The following TCTN1 variants were observed in gnomAD, a reference collection of about 807,000 sequenced individuals.
TCTN1 encodes tectonic family member 1.
TCTN1 carries 58 observed loss-of-function variants against 65.8 expected under a neutral mutation model. The observed-to-expected ratio is 0.88, with a 90% confidence interval of 0.71 to 1.10. TCTN1 has a LOEUF of 1.10. Among genes scored for constraint, TCTN1 ranks in the 50% least tolerant of loss-of-function variants. The pLI is 0.00. For missense variants in TCTN1, 645 were observed against 719.4 expected (o/e 0.90, Z 1.18); for synonymous variants, 273 against 289.1 (o/e 0.94, Z 0.57).
Position 110,642,364 on chromosome 12 carries a change from A to G in TCTN1, c.1306A>G (p.Thr436Ala). 1 of 1,614,206 alleles carries G rather than the reference A, an allele frequency of 6.2e-7. No individual in the cohort carries two copies. Among genetic ancestry groups the G allele is most frequent in the Non-Finnish European group, 8.5e-7 (1 of 1,180,042 alleles). ...CCGGACCCCAGTATTATTTGGTTAC[A>G]CTATGCAATCTGGCTGTAAACTAAG... ...GVRTPVLFGY[T>A]MQSGCKLRLT... is the part of the protein sequence containing the mutation. Residue 436 changes from threonine to alanine, a missense_variant, in exon 11 of 15, where the codon ACT becomes GCT. Physicochemically the swap from Thr to Ala is moderately conservative, Grantham distance 58 (BLOSUM62 0). Transcript: ENST00000397659.
intron 6 of TCTN1, chr12:110,635,846 C>T (rs908332728): frequency 6.5e-6 from 1 of 153,088 alleles, no homozygotes; most frequent in Non-Finnish European, 1.5e-5. Flanking sequence ...AGTCAGCCAT[C>T]TAGGCTTGTG....
At chr12:110,638,215 C>T (rs2066712754) in intron 7 of TCTN1, among the ~76,000 whole-genome samples, 1 of 152,028 alleles carries the variant, frequency 6.6e-6, no homozygotes, top group South Asian at 2.1e-4. Context: ...CTCTGTGAGC[C>T]CATGTGACAG....
chr12:110,620,969 T>C (rs2065387465), intron 2 of TCTN1, among the ~76,000 whole-genome samples: 1 of 152,080 alleles, frequency 6.6e-6, no homozygotes, highest in African/African-American at 2.4e-5. Context: ...CACGCCACGA[T>C]GCCTGGCGTA....
At chr12:110,628,693 A>G in intron 3 of TCTN1, 74 bp from the exon 4 acceptor site, 1 of 1,358,576 alleles carries the variant, frequency 7.4e-7, no homozygotes, top group Non-Finnish European at 1.0e-6. Flanking sequence ...AACTTTCCAA[A>G]ACCTTTATAT....
At chr12:110,618,176 G>C (rs867869931) in intron 1 of TCTN1, among the ~76,000 whole-genome samples, 2 of 150,122 alleles carry the variant, frequency 1.3e-5, no homozygotes, top group Non-Finnish European at 3.0e-5. Context: ...GGGTTGAAAC[G>C]ATTCTCCTGC....
In TCTN1 at chr12:110,640,970, C is replaced by T; in HGVS notation, c.979-54C>T. 1 of 1,612,382 alleles carries T rather than the reference C, an allele frequency of 6.2e-7. No individual in the cohort carries two copies. The highest frequency in any genetic ancestry group is 1.1e-5 in the South Asian group (1 of 91,024). On this transcript the variant is annotated intron_variant, in intron 8 of 14. Coordinates refer to ENST00000397659, the MANE Select transcript of TCTN1 (RefSeq NM_001082538.3). This position sits in a 1 kb window ranked among gnomAD's most constrained non-coding sequence, Gnocchi z 4.9. ...CTATGGGTGTTTTCAGTTATTCATA[C>T]AGCTTCTGAAATGTAATGGAACAGG...
chr12:110,622,874 A>G (rs2065538983), intron 2 of TCTN1, among the ~76,000 whole-genome samples: 1 of 152,220 alleles, frequency 6.6e-6, no homozygotes. Context: ...CAGAGAACCA[A>G]GTAAAAAGCT....
intron 1 of TCTN1, among the ~76,000 whole-genome samples, chr12:110,617,268 A>G (rs2065107192): frequency 6.6e-6 from 1 of 152,124 alleles, no homozygotes; most frequent in South Asian, 2.1e-4. Context: ...CTAAGAAATC[A>G]TGGCATATTA....
At chr12:110,632,744 C>A (rs11065683) in intron 5 of TCTN1, among the ~76,000 whole-genome samples, 185 bp downstream of exon 5, 1 of 152,126 alleles carries the variant, frequency 6.6e-6, no homozygotes, top group East Asian at 1.9e-4. Context: ...ACAGAATCTT[C>A]GGGTTAAAAG....
chr12:110,632,524 T>C lies in TCTN1; in HGVS notation c.677T>C (p.Leu226Pro). 1 of 1,614,048 alleles carries C rather than the reference T, an allele frequency of 6.2e-7. No homozygotes were observed. The highest frequency in any genetic ancestry group is 1.7e-4 in the Middle Eastern group (1 of 6,060). ...SDSFLRFPSSLTSSLCTDNNP... is the reference protein window; with the variant it reads ...SDSFLRFPSSPTSSLCTDNNP... The stretch of plus-strand genomic sequence containing the variant: ...TCGTTTCTGAGATTTCCTTCGTCCC[T>C]GACATCATCTCTGTGCACTGATAAT... The change falls in exon 5 of 15, where the codon CTG becomes CCG. Residue 226 changes from leucine to proline, a missense_variant. By Grantham distance (98) the Leu-to-Pro change is moderately conservative (BLOSUM62 -3). Transcript: ENST00000397659.
intron 3 of TCTN1, chr12:110,628,063 C>G: frequency 4.6e-6 from 7 of 1,535,894 alleles, no homozygotes; most frequent in Non-Finnish European, 6.1e-6. Flanking sequence ...ACATTTTACT[C>G]CAGGACTTTC....
At chr12:110,628,717 TATAC>T in intron 3 of TCTN1, 46 bp from the exon 4 acceptor site, 1 of 1,457,350 alleles carries the variant, frequency 6.9e-7, no homozygotes, top group South Asian at 1.2e-5. Context: ...TCATACATAT[TATAC>T]ATATATTTTA....
In TCTN1 at chr12:110,614,182, G is replaced by T; in HGVS notation, c.-1G>T. On this transcript the variant is annotated 5_prime_UTR_variant, in exon 1 of 15. Transcript: ENST00000397659. ...CGGGCCTCGCTGGGACTCCCTGGGAGATGAGGCCGCGAGGTCTCCCGCCGC... is the reference window on the plus strand; with the variant it reads ...CGGGCCTCGCTGGGACTCCCTGGGATATGAGGCCGCGAGGTCTCCCGCCGC... The T allele has an allele frequency of 6.4e-7, 1 of 1,551,494 alleles. No individual in the cohort carries two copies. Among genetic ancestry groups the T allele is most frequent in the Non-Finnish European group, 8.7e-7 (1 of 1,148,598 alleles).
Position 110,614,162 on chromosome 12 carries a change from C to A in TCTN1, c.-21C>A. The A allele has an allele frequency of 6.5e-7, 1 of 1,547,712 alleles. No individual in the cohort carries two copies. Among genetic ancestry groups the A allele is most frequent in the South Asian group, 1.2e-5 (1 of 84,064 alleles). ...GCAACGCGCTGTCCATGTCGCGGGC[C>A]TCGCTGGGACTCCCTGGGAGATGAG... On this transcript the variant is annotated 5_prime_UTR_variant, in exon 1 of 15. Transcript: ENST00000397659.
intron 12 of TCTN1, chr12:110,646,175 G>A (rs3893403): frequency 0.11 from 16,995 of 152,152 alleles, 1,152 homozygotes; most frequent in African/African-American, 0.19. Context: ...CAACTCTGCC[G>A]GCAACCCAGG....
Position 110,640,582 on chromosome 12 carries a change from G to A in TCTN1, c.978+65G>A, listed in dbSNP as rs1443161145. The stretch of plus-strand genomic sequence containing the variant: ...GACTTAAGCCTCTTGTTGCGCCGGG[G>A]TAACTGGACGCCCTCCGAGGACGCT... On this transcript the variant is annotated intron_variant, in intron 8 of 14. Coordinates refer to ENST00000397659, the MANE Select transcript of TCTN1 (RefSeq NM_001082538.3). This position sits in a 1 kb window ranked among gnomAD's most constrained non-coding sequence, Gnocchi z 4.9. 45 of 1,610,864 alleles carry A rather than the reference G, an allele frequency of 2.8e-5. No homozygotes were observed. In the Middle Eastern group the frequency reaches 5.8e-4, roughly 21 times the overall value.
At chr12:110,645,379 G>C (rs2067231544) in intron 12 of TCTN1, 3 of 516,348 alleles carry the variant, frequency 5.8e-6, no homozygotes, top group Non-Finnish European at 1.1e-5. Context: ...TGGCCTCATG[G>C]GGCATTGAGA....
intron 9 of TCTN1, among the ~76,000 whole-genome samples, 159 bp downstream of exon 9, chr12:110,641,308 TCTC>T (rs2066937201): frequency 6.6e-6 from 1 of 152,180 alleles, no homozygotes; most frequent in Non-Finnish European, 1.5e-5. Flanking sequence ...AACCAAGCAT[TCTC>T]CTTGTATCTT....
At position 110,632,544 on chromosome 12, in the gene TCTN1, G is replaced by A; in HGVS notation, c.697G>A (p.Asp233Asn). 6.2e-7 allele frequency: 1 copy of A among 1,614,012 alleles called. No homozygotes were observed. Among genetic ancestry groups the A allele is most frequent in the Admixed American group, 1.7e-5 (1 of 60,018 alleles). ...PSSLTSSLCT[D>N]NNPAAFLVNQ... is the part of the protein sequence containing the mutation. ...GTCCCTGACATCATCTCTGTGCACT[G>A]ATAATAACCCTGCAGGTAAGAAAGT... The change falls in exon 5 of 15, where the codon GAT becomes AAT. Residue 233 changes from aspartate (D) to asparagine (N), a missense_variant. Asp to Asn is a conservative substitution (Grantham distance 23, BLOSUM62 1). Transcript: ENST00000397659.
Sources: gnomAD v4.1 joint callset for allele counts (sites outside exome capture counted in the v4.1 genomes callset) on GRCh38, gnomAD v4.1.1 for gene constraint, Gnocchi (gnomAD v3.1) non-coding constraint, MANE v1.5 for transcripts, NCBI Gene and HGNC (gene_info 2026-07-23, HGNC 2026-07-21) for gene names.